Variants in TPRX2 observed in about 807,000 individuals in gnomAD.
TPRX2 encodes the protein tetrapeptide repeat homeobox protein 2.
At chr19:47,861,601 ACCC>A in the TPRX2 span, 1 of 711,710 alleles carries the variant, frequency 1.4e-6, no homozygotes, top group Admixed American at 2.5e-5. Context: ...TGAATGCATC[ACCC>A]TTTACCCACC....
At chr19:47,860,704 A>C in the TPRX2 span, 4 of 1,369,416 alleles carry the variant, frequency 2.9e-6, no homozygotes. Flanking sequence ...GGGGGTGAAC[A>C]CCGGGAGAGT....
the TPRX2 span, among the ~76,000 whole-genome samples, chr19:47,860,508 C>T: frequency 6.6e-6 from 1 of 151,604 alleles, no homozygotes; most frequent in African/African-American, 2.4e-5. Context: ...TCCCGGTGCC[C>T]GGACCTCAGG....
chr19:47,860,736 G>A, the TPRX2 span: 15 of 1,481,208 alleles, frequency 1.0e-5, no homozygotes, highest in African/African-American at 4.2e-5. Flanking sequence ...CGCCGCCCCC[G>A]AGCGGCTCAC....
At chr19:47,859,822 A>T in the TPRX2 span, among the ~76,000 whole-genome samples, 1 of 150,810 alleles carries the variant, frequency 6.6e-6, no homozygotes, top group Admixed American at 6.6e-5. Flanking sequence ...CTTGGATGGG[A>T]GGGGACGGGG....
At chr19:47,861,230 C>T in the TPRX2 span, 1 of 567,812 alleles carries the variant, frequency 1.8e-6, no homozygotes, top group African/African-American at 1.9e-5. Flanking sequence ...TACCAGCCCC[C>T]ATCTCTTGCC....
At chr19:47,860,679 T>G in the TPRX2 span, 4 of 989,192 alleles carry the variant, frequency 4.0e-6, no homozygotes, top group South Asian at 6.6e-5. Context: ...GGCCCTCATA[T>G]GGTGGGTGCG....
chr19:47,860,020 C>T, the TPRX2 span: 7 of 1,212,598 alleles, frequency 5.8e-6, no homozygotes, highest in Admixed American at 4.1e-5. Flanking sequence ...GCCCACACTG[C>T]CTGGGCTCCT....
chr19:47,861,381 T>C, the TPRX2 span: 1 of 491,332 alleles, frequency 2.0e-6, no homozygotes, highest in East Asian at 6.7e-5. Context: ...ATACCCTGAC[T>C]TCACCAAGCT....
chr19:47,860,586 C>T, the TPRX2 span, among the ~76,000 whole-genome samples: 4 of 151,726 alleles, frequency 2.6e-5, no homozygotes, highest in African/African-American at 9.7e-5. Context: ...GGGCGGCAGA[C>T]CCGGCTCCTC....
the TPRX2 span, chr19:47,860,754 G>C: frequency 6.6e-7 from 1 of 1,507,244 alleles, no homozygotes. Flanking sequence ...CACCCGGGCC[G>C]CGCGAGTCCC....
At chr19:47,861,002 C>T in the TPRX2 span, 4 of 1,101,074 alleles carry the variant, frequency 3.6e-6, no homozygotes, top group Non-Finnish European at 5.3e-6. Flanking sequence ...CCTGGGGAGT[C>T]CTCCCAGCAG....
the TPRX2 span, chr19:47,861,178 G>A: frequency 1.5e-6 from 1 of 666,586 alleles, no homozygotes; most frequent in South Asian, 1.5e-5. Flanking sequence ...CCGAATTTAG[G>A]CCCAATGTCA....
At chr19:47,861,471 G>A in the TPRX2 span, 1 of 1,106,574 alleles carries the variant, frequency 9.0e-7, no homozygotes, top group Non-Finnish European at 1.3e-6. Flanking sequence ...TGGCTTCGTG[G>A]ACAAAAATCA....
the TPRX2 span, chr19:47,861,080 C>CAA: frequency 2.8e-6 from 2 of 725,618 alleles, no homozygotes; most frequent in South Asian, 2.9e-5. Context: ...AGGAGGGCCT[C>CAA]AAGGCTGTCC....
the TPRX2 span, among the ~76,000 whole-genome samples, chr19:47,859,301 G>A: frequency 5.7e-4 from 85 of 150,258 alleles, no homozygotes; most frequent in South Asian, 1.1e-3. Context: ...TGAGGGGCCT[G>A]GGCTGATCCT....
chr19:47,860,811 A>C, the TPRX2 span: 16 of 1,541,476 alleles, frequency 1.0e-5, no homozygotes, highest in Non-Finnish European at 1.4e-5. Flanking sequence ...GGTGTGGTTC[A>C]AGAATCGCCG....
the TPRX2 span, among the ~76,000 whole-genome samples, chr19:47,859,952 C>T: frequency 5.3e-5 from 8 of 151,318 alleles, no homozygotes; most frequent in Admixed American, 3.3e-4. Context: ...GACCCTGAGG[C>T]CCAGAGAGGT....
the TPRX2 span, among the ~76,000 whole-genome samples, chr19:47,860,610 C>T: frequency 6.6e-6 from 1 of 151,312 alleles, no homozygotes; most frequent in Admixed American, 6.6e-5. Context: ...TCCCACCCCA[C>T]CCTCCTCCCC....
At chr19:47,861,281 G>T in the TPRX2 span, 2 of 498,554 alleles carry the variant, frequency 4.0e-6, no homozygotes, top group East Asian at 5.6e-5. Flanking sequence ...GAACCCTGAT[G>T]CCAGGCCCAG....
Sources: allele counts gnomAD v4.1 joint callset (sites outside exome capture counted in the v4.1 genomes callset), GRCh38; gene constraint gnomAD v4.1.1; transcripts MANE v1.5; gene names NCBI Gene and HGNC (gene_info 2026-07-23, HGNC 2026-07-21).